The following ZFYVE26 variants were observed in gnomAD, a reference collection of about 807,000 sequenced individuals.
ZFYVE26 encodes the protein zinc finger FYVE domain-containing protein 26.
In ZFYVE26, 181 loss-of-function variants were observed where a neutral mutation model predicts 276.5. The observed-to-expected ratio is 0.65, with a 90% CI of 0.58 to 0.74. The LOEUF is 0.74. Ranked by LOEUF, ZFYVE26 falls within the 30% of genes least tolerant of loss-of-function variation. The pLI, the probability that ZFYVE26 is intolerant of heterozygous loss-of-function variation, is 0.00. For missense variants in ZFYVE26, 2,821 were observed against 3,097.9 expected, an observed-to-expected ratio of 0.91 and a Z score of 2.12; for synonymous variants, 1,129 against 1,203.1, an observed-to-expected ratio of 0.94 and a Z score of 1.27.
chr14:67,759,244 GAAAAAA>G (rs1171265652), intron 35 of ZFYVE26, among the ~76,000 whole-genome samples: 127 of 81,636 alleles, frequency 1.6e-3, no homozygotes, highest in East Asian at 8.4e-3. Context: ...GACTCTGTCT[GAAAAAA>G]AAAAAAAAAA....
rs180961421 is a variant in ZFYVE26 at position 67,802,713 on chromosome 14, T to C, written c.1436-431A>G. Among the ~76,000 whole-genome samples, 6 of 152,288 alleles carry C rather than the reference T, an allele frequency of 3.9e-5. No homozygotes were observed. The East Asian group carries it at 1.2e-3, about 29-fold the overall frequency. On this transcript the variant is annotated intron_variant, in intron 9 of 41. Coordinates refer to ENST00000347230, the MANE Select transcript of ZFYVE26 (RefSeq NM_015346.4). ...ATACTGTATTTCTTTGGAAGGCCTGTATACTTGCATGTAAGAGCAGAGTTC... is the reference window on the plus strand; with the variant it reads ...ATACTGTATTTCTTTGGAAGGCCTGCATACTTGCATGTAAGAGCAGAGTTC...
chr14:67,812,129 A>C (rs2040315304), intron 3 of ZFYVE26, among the ~76,000 whole-genome samples: 1 of 151,892 alleles, frequency 6.6e-6, no homozygotes, highest in Non-Finnish European at 1.5e-5. Context: ...GACCATGAAC[A>C]CTCTATGTTA....
intron 10 of ZFYVE26, chr14:67,799,557 A>T (rs2040037343): frequency 6.5e-7 from 1 of 1,531,588 alleles, no homozygotes; most frequent in South Asian, 1.1e-5. Context: ...AAGTACTGCA[A>T]GTCTTCCAAA....
chr14:67,752,554 T>C (rs1351532094), intron 39 of ZFYVE26, 28 bp from the exon 40 acceptor site: 2 of 1,613,534 alleles, frequency 1.2e-6, no homozygotes, highest in Non-Finnish European at 1.7e-6. Flanking sequence ...ATGATGGGCT[T>C]AGGAGCAGGA....
At chr14:67,749,049 A>G (rs1026102216) in intron 41 of ZFYVE26, among the ~76,000 whole-genome samples, 2 of 152,128 alleles carry the variant, frequency 1.3e-5, no homozygotes, top group African/African-American at 2.4e-5. Flanking sequence ...CTCCTTGATC[A>G]GACTTTAAGC....
At chr14:67,807,350 C>G (rs1398222020) in intron 5 of ZFYVE26, 48 bp downstream of exon 5, 1 of 1,612,308 alleles carries the variant, frequency 6.2e-7, no homozygotes, top group Non-Finnish European at 8.5e-7. Flanking sequence ...CAAGGCTGGG[C>G]ATACTGGAAT....
chr14:67,744,660 G>A (rs1484828599), downstream of ZFYVE26, among the ~76,000 whole-genome samples: 1 of 152,126 alleles, frequency 6.6e-6, no homozygotes, highest in Admixed American at 6.5e-5. Flanking sequence ...GAGAACATGC[G>A]ATGTTTCGTT....
At chr14:67,764,151 G>C (rs189708845) in intron 32 of ZFYVE26, among the ~76,000 whole-genome samples, 1 of 152,256 alleles carries the variant, frequency 6.6e-6, no homozygotes, top group East Asian at 1.9e-4. Context: ...GGATTATACT[G>C]TCTAGTGCTG....
At chr14:67,765,479 T>C (rs1455890828) in intron 32 of ZFYVE26, among the ~76,000 whole-genome samples, 1 of 152,154 alleles carries the variant, frequency 6.6e-6, no homozygotes, top group African/African-American at 2.4e-5. Flanking sequence ...GCTGAGTCTG[T>C]AGGCAAGTAT....
At chr14:67,756,451 G>A in intron 35 of ZFYVE26, 1 of 436,666 alleles carries the variant, frequency 2.3e-6, no homozygotes, top group Non-Finnish European at 4.2e-6. Flanking sequence ...CATTGAAACT[G>A]CCCCTTAGGT....
chr14:67,762,642 A>C, intron 33 of ZFYVE26, 30 bp downstream of exon 33: 1 of 1,611,384 alleles, frequency 6.2e-7, no homozygotes, highest in Non-Finnish European at 8.5e-7. Flanking sequence ...AGTGGGGTGG[A>C]AGTAAGCTTT....
chr14:67,754,034 A>C, intron 38 of ZFYVE26, 37 bp downstream of exon 38: 1 of 1,614,104 alleles, frequency 6.2e-7, no homozygotes, highest in Non-Finnish European at 8.5e-7. Flanking sequence ...CTAAAAGATG[A>C]CAATAGTCTG....
At position 67,785,123 on chromosome 14, in the gene ZFYVE26, G is replaced by A. The variant is rs767506915; in HGVS notation, c.3459C>T (p.Gly1153=). Residue 1153 remains glycine (G), a synonymous_variant, in exon 19 of 42, where the codon GGC becomes GGT. Coordinates refer to ENST00000347230, the MANE Select transcript of ZFYVE26 (RefSeq NM_015346.4). ...GGGTGCTGCAGTAACTGAAGAAGGT[G>A]CCCAAGTAGTCCATCTGCCTGCTGC... ...PSGSRQMDYL[G]TFFSYCSTLA... The A allele has an allele frequency of 1.9e-6, 3 of 1,614,232 alleles. No individual in the cohort carries two copies. Among genetic ancestry groups the A allele is most frequent in the Admixed American group, 3.3e-5 (2 of 60,026 alleles).
chr14:67,764,328 C>A (rs191515592), intron 32 of ZFYVE26, among the ~76,000 whole-genome samples: 2 of 152,120 alleles, frequency 1.3e-5, no homozygotes, highest in East Asian at 3.9e-4. Context: ...ATAAGAGCAT[C>A]GGCACTCATA....
At position 67,737,288 on chromosome 14, in the gene ZFYVE26, A is replaced by G. The variant is rs917421578; in HGVS notation, n.2680-7469T>C. Among the ~76,000 whole-genome samples the G allele has an allele frequency of 4.0e-5, 6 of 151,506 alleles. No homozygotes were observed. The East Asian group carries it at 7.7e-4, about 20-fold the overall frequency. ...ATTCTCACACTGCTATAAAGATCCT[A>G]CCCAAGACCGGGTAATTTATAAAGA... On this transcript the variant is annotated intron_variant and non_coding_transcript_variant, in intron 13 of 14. Transcript: ENST00000394455.
chr14:67,765,458 C>T (rs912448140), intron 32 of ZFYVE26, among the ~76,000 whole-genome samples: 1 of 152,104 alleles, frequency 6.6e-6, no homozygotes, highest in Non-Finnish European at 1.5e-5. Context: ...TTGCTGTGCT[C>T]CATGCTGGCT....
intron 30 of ZFYVE26, among the ~76,000 whole-genome samples, chr14:67,768,201 G>C (rs1022765837): frequency 1.3e-5 from 2 of 152,228 alleles, no homozygotes; most frequent in Non-Finnish European, 2.9e-5. Context: ...TAGGGGTAAG[G>C]AGGGAGCATG....
At chr14:67,799,173 T>C in intron 10 of ZFYVE26, 4 of 1,585,920 alleles carry the variant, frequency 2.5e-6, no homozygotes, top group Non-Finnish European at 3.5e-6. Context: ...ATTCAAGCTT[T>C]TGAAAAGACA....
chr14:67,767,731 C>A lies in ZFYVE26; in HGVS notation c.5763G>T (p.Leu1921=). 6.2e-7 allele frequency: 1 copy of A among 1,614,148 alleles called. No homozygotes were observed. The highest frequency in any genetic ancestry group is 8.5e-7 in the Non-Finnish European group (1 of 1,180,040). Residue 1921 remains leucine (L), a synonymous_variant, in exon 31 of 42, where the codon CTG becomes CTT. Coordinates refer to ENST00000347230, the MANE Select transcript of ZFYVE26 (RefSeq NM_015346.4). ...ILDLKEEENE[L]VRSEFYYEQA... ...GCTCATAGTAAAATTCACTCCGCACCAGCTCATTTTCCTCCTCTTTGAGAT... is the reference window on the plus strand; with the variant it reads ...GCTCATAGTAAAATTCACTCCGCACAAGCTCATTTTCCTCCTCTTTGAGAT...
Sources: allele counts gnomAD v4.1 joint callset (sites outside exome capture counted in the v4.1 genomes callset), GRCh38; gene constraint gnomAD v4.1.1; transcripts MANE v1.5; gene names NCBI Gene and HGNC (gene_info 2026-07-23, HGNC 2026-07-21).